Variants in MYO18A observed in about 807,000 individuals in gnomAD.
The protein encoded by MYO18A is myosin XVIIIA.
MYO18A carries 78 observed loss-of-function variants against 235.8 expected under a neutral mutation model. The ratio of observed to expected loss-of-function variants is 0.33; its 90% CI spans 0.28 to 0.40. The LOEUF is 0.40. MYO18A is among the 10% of genes least tolerant of loss of function. MYO18A has a pLI of 1.00. For missense variants in MYO18A, 2,215 were observed against 2,699.3 expected (o/e 0.82, Z 3.98); for synonymous variants, 977 against 1,077.8 (o/e 0.91, Z 1.83).
At chr17:29,130,912 A>G (rs923597038) in intron 2 of MYO18A, among the ~76,000 whole-genome samples, 2 of 152,184 alleles carry the variant, frequency 1.3e-5, no homozygotes, top group Non-Finnish European at 2.9e-5. Flanking sequence ...AAGAGACAGC[A>G]GCGACTACAG....
At chr17:29,085,747 C>T (rs1449737909) in intron 39 of MYO18A, 99 bp from the exon 40 acceptor site, 1 of 1,228,098 alleles carries the variant, frequency 8.1e-7, no homozygotes, top group Non-Finnish European at 1.2e-6. Flanking sequence ...ACCTCTCTTC[C>T]CTCAGCAAGA....
intron 2 of MYO18A, among the ~76,000 whole-genome samples, chr17:29,134,330 G>A (rs762179695): frequency 4.6e-5 from 7 of 152,090 alleles, no homozygotes; most frequent in Non-Finnish European, 7.3e-5. Flanking sequence ...TGATCCACCC[G>A]CCTTGGCGTC....
chr17:29,157,538 C>T (rs1458723830), intron 2 of MYO18A, among the ~76,000 whole-genome samples: 2 of 152,192 alleles, frequency 1.3e-5, no homozygotes, highest in Non-Finnish European at 2.9e-5. Context: ...GAGTTCAAGT[C>T]CTGGTGAGTC....
chr17:29,133,373 C>T (rs2152903344), intron 2 of MYO18A, among the ~76,000 whole-genome samples: 1 of 152,344 alleles, frequency 6.6e-6, no homozygotes, highest in South Asian at 2.1e-4. Flanking sequence ...CCCAGGTGGC[C>T]AACTGGCCTG....
At chr17:29,165,744 AC>A (rs35635599) in intron 2 of MYO18A, among the ~76,000 whole-genome samples, 197 bp downstream of exon 2, 41 of 152,138 alleles carry the variant, frequency 2.7e-4, no homozygotes, top group African/African-American at 9.6e-4. Context: ...TAGGGGTGGC[AC>A]CCCCAGAGGA....
At chr17:29,086,097 C>A (rs60616188) in intron 39 of MYO18A, among the ~76,000 whole-genome samples, 2 of 152,174 alleles carry the variant, frequency 1.3e-5, no homozygotes, top group Non-Finnish European at 2.9e-5. Flanking sequence ...GGCATAGTAA[C>A]AAGGCACCAC....
At chr17:29,129,176 C>T in intron 2 of MYO18A, 1 of 1,187,944 alleles carries the variant, frequency 8.4e-7, no homozygotes, top group Admixed American at 2.3e-5. Context: ...CAGGCCTCCT[C>T]CTCACAGCGT....
intron 41 of MYO18A, chr17:29,081,040 C>T: frequency 7.2e-6 from 7 of 973,654 alleles, no homozygotes; most frequent in Non-Finnish European, 8.5e-6. Flanking sequence ...GAGAACCAGA[C>T]GTGGATGAGG....
At chr17:29,079,685 G>A (rs1254831287) in intron 41 of MYO18A, 1 of 982,696 alleles carries the variant, frequency 1.0e-6, no homozygotes, top group South Asian at 4.7e-5. Flanking sequence ...GTTCACACCG[G>A]GTGGGACACA....
intron 27 of MYO18A, 108 bp from the exon 28 acceptor site, chr17:29,097,023 A>C: frequency 7.1e-7 from 1 of 1,405,248 alleles, no homozygotes; most frequent in South Asian, 1.4e-5. Context: ...ATGCAGGAGG[A>C]AGTCGGGTCT....
chr17:29,145,181 C>T (rs2067821953), intron 2 of MYO18A, among the ~76,000 whole-genome samples: 1 of 152,180 alleles, frequency 6.6e-6, no homozygotes, highest in South Asian at 2.1e-4. Flanking sequence ...TTCCTACTTC[C>T]TTTATATCCC....
Position 29,114,980 on chromosome 17 carries a change from T to C in MYO18A, c.2438A>G (p.Asn813Ser), listed in dbSNP as rs745642804. ...RGASFEELCH[N>S]YTQDRLQRLF... ...CCTCTGCAGCCGGTCTTGGGTGTAG[T>C]TGTGGCACAGCTCCTCAAAGGAGGC... Residue 813 changes from asparagine (N) to serine (S), a missense_variant, in exon 14 of 42, where the codon AAC (asparagine) becomes AGC (serine). By Grantham distance (46) the Asn-to-Ser change is conservative. Transcript: ENST00000527372. 2 of 1,613,908 alleles carry C rather than the reference T, an allele frequency of 1.2e-6. No homozygotes were observed. The highest frequency in any genetic ancestry group is 1.1e-5 in the South Asian group (1 of 91,088).
chr17:29,120,644 G>T lies in MYO18A; in HGVS notation c.1700C>A (p.Ala567Asp). The change falls in exon 7 of 42, where the codon GCT becomes GAT. Residue 567 changes from alanine (A) to aspartate (D), a missense_variant. Transcript: ENST00000527372. This position sits in a 1 kb window ranked among gnomAD's most constrained non-coding sequence, Gnocchi z 4.2. ...AATGGAGGCTGAGGCCACCTGGCCA[G>T]CTTGGTCAAAGTCCAGGGAGAGGAT... ...SQILSLDFDQ[A>D]GQVASASIQT... 6.2e-7 allele frequency: 1 copy of T among 1,613,984 alleles called. No individual in the cohort carries two copies. Among genetic ancestry groups the T allele is most frequent in the Non-Finnish European group, 8.5e-7 (1 of 1,179,860 alleles).
chr17:29,109,044 A>T lies in MYO18A; in HGVS notation c.3331+814T>A, dbSNP rs975835278. On this transcript the variant is annotated intron_variant, in intron 19 of 41. Transcript: ENST00000527372. This position sits in a 1 kb window ranked among gnomAD's most constrained non-coding sequence, Gnocchi z 4.1. Reference sequence around the variant, plus strand: ...GGCTGCTAAGGAAGTTTTAGTGCCCATGGGAATGCCTGAAGGGGACCTGGC... The same window carrying T: ...GGCTGCTAAGGAAGTTTTAGTGCCCTTGGGAATGCCTGAAGGGGACCTGGC... 1.3e-5 allele frequency among the ~76,000 whole-genome samples: 2 copies of T among 151,078 alleles called. No homozygotes were observed. The highest frequency in any genetic ancestry group is 6.6e-5 in the Admixed American group (1 of 15,126).
rs1031984796 is a variant in MYO18A at position 29,072,326 on chromosome 17, A to C, written c.*2444T>G. 4 of 150,630 alleles carry C rather than the reference A, an allele frequency of 2.7e-5. No individual in the cohort carries two copies. The highest frequency in any genetic ancestry group is 5.9e-5 in the Non-Finnish European group (4 of 67,886). The allele number at this position is 150,630 out of a possible 1,614,324, so 9.3% of individuals were successfully genotyped here. On this transcript the variant is annotated 3_prime_UTR_variant, in exon 42 of 42. Transcript: ENST00000527372. ...GATCACTTGAGGTCAGAAGTTCGAG[A>C]CCAGCCTGCTCAACATGGCGAAACC... is the stretch of plus-strand genomic sequence containing the variant.
intron 21 of MYO18A, among the ~76,000 whole-genome samples, chr17:29,101,631 G>A (rs1424678107): frequency 6.6e-6 from 1 of 152,144 alleles, no homozygotes; most frequent in African/African-American, 2.4e-5. Flanking sequence ...TTCATATAAT[G>A]TGCAAGCCTG....
intron 21 of MYO18A, among the ~76,000 whole-genome samples, chr17:29,102,094 G>T (rs906134029): frequency 6.6e-6 from 1 of 152,168 alleles, no homozygotes; most frequent in Admixed American, 6.5e-5. Flanking sequence ...AACTAGATGT[G>T]AGCAGGCACC....
intron 13 of MYO18A, 102 bp from the exon 14 acceptor site, chr17:29,115,201 G>A: frequency 1.4e-6 from 2 of 1,442,080 alleles, no homozygotes; most frequent in Admixed American, 4.2e-5. Flanking sequence ...CAGGACCCTG[G>A]TGGGGAGGGC....
intron 20 of MYO18A, among the ~76,000 whole-genome samples, chr17:29,103,954 T>C (rs909771499): frequency 2.0e-5 from 3 of 152,236 alleles, no homozygotes; most frequent in Non-Finnish European, 4.4e-5. Context: ...TGCTGAGAAC[T>C]TATGATACAA....
Sources: allele counts gnomAD v4.1 joint callset (sites outside exome capture counted in the v4.1 genomes callset), GRCh38; gene constraint gnomAD v4.1.1; non-coding constraint Gnocchi (gnomAD v3.1); transcripts MANE v1.5; gene names NCBI Gene and HGNC (gene_info 2026-07-23, HGNC 2026-07-21).